CSMD3: variants seen among roughly 807,000 people sequenced by gnomAD.
The protein encoded by CSMD3 is CUB and sushi domain-containing protein 3.
Under a neutral mutation model 435.2 loss-of-function variants are expected in CSMD3, and 177 were observed. The observed-to-expected ratio is 0.41, with a 90% CI of 0.36 to 0.46. The LOEUF is 0.46. CSMD3 is among the 20% of genes least tolerant of loss of function. The probability of loss-of-function intolerance (pLI) is 0.34; values close to 1 mark genes in which losing one functional copy is unlikely to be tolerated. For synonymous variants in CSMD3, 1,656 were observed against 1,520.5 expected, an observed-to-expected ratio of 1.09 and a Z score of -2.07; for missense variants, 4,265 against 4,504.6, an observed-to-expected ratio of 0.95 and a Z score of 1.52.
At chr8:113,354,862 C>G (rs1466180875) in intron 1 of CSMD3, among the ~76,000 whole-genome samples, 1 of 151,946 alleles carries the variant, frequency 6.6e-6, no homozygotes, top group Non-Finnish European at 1.5e-5. Context: ...TGGTTTTGAA[C>G]TCCTGGGCCC....
At chr8:112,898,490 C>A (rs147034369) in intron 10 of CSMD3, among the ~76,000 whole-genome samples, 2 of 150,860 alleles carry the variant, frequency 1.3e-5, no homozygotes, top group Admixed American at 1.3e-4. Context: ...AGTAAATGGA[C>A]GCTATATTTA....
intron 1 of CSMD3, among the ~76,000 whole-genome samples, chr8:113,378,089 A>T (rs950829359): frequency 1.3e-5 from 2 of 152,160 alleles, no homozygotes; most frequent in African/African-American, 4.8e-5. Flanking sequence ...TATGAGATTA[A>T]TAATAATAAT....
At position 112,306,165 on chromosome 8, in the gene CSMD3, G is replaced by A. The variant is rs2130788306; in HGVS notation, c.7913C>T (p.Pro2638Leu). The change falls in exon 51 of 71, where the codon CCA (proline) becomes CTA (leucine). Residue 2638 changes from proline to leucine, a missense_variant. Coordinates refer to ENST00000297405, the MANE Select transcript of CSMD3 (RefSeq NM_198123.2). Reference sequence around the variant, plus strand: ...TGTTGTTAGTATTCCTCCATTTGTTGGAGCTTTAGGAATCCCACAGGAAAT... The same window carrying A: ...TGTTGTTAGTATTCCTCCATTTGTTAGAGCTTTAGGAATCCCACAGGAAAT... ...QAISCGIPKA[P>L]TNGGILTTDY... The A allele has an allele frequency of 6.2e-7, 1 of 1,613,326 alleles. No individual in the cohort carries two copies.
intron 5 of CSMD3, among the ~76,000 whole-genome samples, chr8:113,022,862 CTT>C (rs1402035483): frequency 4.0e-5 from 6 of 151,574 alleles, no homozygotes; most frequent in Admixed American, 1.3e-4. Flanking sequence ...TACAGAGTAA[CTT>C]ATAATTAATC....
Position 112,224,679 on chromosome 8 carries a change from A to G in CSMD3, c.*92T>C, listed in dbSNP as rs1812409466. 1 of 1,327,172 alleles carries G rather than the reference A, an allele frequency of 7.5e-7. No individual in the cohort carries two copies. The highest frequency in any genetic ancestry group is 1.4e-5 in the African/African-American group (1 of 69,278). 82.2% of individuals were successfully genotyped at this position (1,327,172 alleles called of 1,614,324 possible). A position where few individuals can be genotyped will look rare whatever the true frequency, so the allele number is the denominator to read the frequency against. On this transcript the variant is annotated 3_prime_UTR_variant, in exon 71 of 71. Coordinates refer to ENST00000297405, the MANE Select transcript of CSMD3 (RefSeq NM_198123.2). Reference sequence around the variant, plus strand: ...GAAAAGGTGACCCAGCAAGTCCTGAAAAGTGTGCTTTAATTTGTTTAGCAG... The same window carrying G: ...GAAAAGGTGACCCAGCAAGTCCTGAGAAGTGTGCTTTAATTTGTTTAGCAG...
chr8:112,630,942 TCACACACACA>T lies in CSMD3; in HGVS notation c.3715+5865_3715+5874del, dbSNP rs5894090. 6.3e-3 allele frequency among the ~76,000 whole-genome samples: 889 copies of T among 140,582 alleles called. 10 individuals are homozygous for T. The highest frequency in any genetic ancestry group is 0.042 in the South Asian group (171 of 4,048). The allele number at this position is 140,582 out of a possible 152,430, so 92.2% of individuals were successfully genotyped here. On this transcript the variant is annotated intron_variant, in intron 22 of 70. Coordinates refer to ENST00000297405, the MANE Select transcript of CSMD3 (RefSeq NM_198123.2). Reference sequence around the variant, plus strand: ...TGTTACCAACAAACTACATCAGTATTCACACACACACACACACACACACACACACACACAC... The same window carrying T: ...TGTTACCAACAAACTACATCAGTATTCACACACACACACACACACACACAC...
At chr8:112,936,807 T>C (rs1482098648) in intron 9 of CSMD3, among the ~76,000 whole-genome samples, 3 of 152,176 alleles carry the variant, frequency 2.0e-5, no homozygotes, top group Admixed American at 2.0e-4. Flanking sequence ...AATTGGCTTA[T>C]CTATAAATAT....
chr8:113,375,919 T>C (rs1039165590), intron 1 of CSMD3, among the ~76,000 whole-genome samples: 1 of 152,200 alleles, frequency 6.6e-6, no homozygotes, highest in East Asian at 1.9e-4. Context: ...TTGTGTATGA[T>C]ATTTTAATTT....
chr8:113,323,006 C>A (rs1408697482), intron 1 of CSMD3, among the ~76,000 whole-genome samples: 1 of 152,176 alleles, frequency 6.6e-6, no homozygotes, highest in African/African-American at 2.4e-5. Context: ...CCTCAGCCTC[C>A]CAAAGTGCTT....
intron 4 of CSMD3, among the ~76,000 whole-genome samples, chr8:113,146,987 C>T (rs1457483419): frequency 1.3e-5 from 2 of 151,620 alleles, no homozygotes; most frequent in Non-Finnish European, 3.0e-5. Flanking sequence ...GTGATATGCA[C>T]AACTGAGCAC....
intron 5 of CSMD3, among the ~76,000 whole-genome samples, chr8:113,078,784 G>C (rs1349920541): frequency 6.6e-6 from 1 of 152,092 alleles, no homozygotes; most frequent in Non-Finnish European, 1.5e-5. Flanking sequence ...CAGAGTAATA[G>C]CTGCACAGAG....
At chr8:112,288,092 G>T (rs1488037883) in intron 57 of CSMD3, among the ~76,000 whole-genome samples, 2 of 151,834 alleles carry the variant, frequency 1.3e-5, no homozygotes, top group African/African-American at 4.8e-5. Context: ...CTTTCCATTT[G>T]TCCTTTTTAT....
At chr8:112,770,018 A>G (rs575640925) in intron 13 of CSMD3, among the ~76,000 whole-genome samples, 2 of 152,174 alleles carry the variant, frequency 1.3e-5, no homozygotes, top group African/African-American at 4.8e-5. Context: ...AGACAGTTTT[A>G]TTAATAATAA....
intron 1 of CSMD3, among the ~76,000 whole-genome samples, chr8:113,356,516 T>A (rs2094229296): frequency 6.6e-6 from 1 of 152,130 alleles, no homozygotes. Flanking sequence ...ATTTTCACAC[T>A]CCTTTTCCAA....
chr8:113,041,653 T>A (rs868556864), intron 5 of CSMD3, among the ~76,000 whole-genome samples: 32 of 152,156 alleles, frequency 2.1e-4, no homozygotes, highest in Non-Finnish European at 3.8e-4. Context: ...ATATTAAACT[T>A]TTTTATTTTT....
chr8:112,963,565 T>C (rs777845515), intron 7 of CSMD3, among the ~76,000 whole-genome samples: 4 of 151,946 alleles, frequency 2.6e-5, no homozygotes, highest in Non-Finnish European at 5.9e-5. Context: ...ACTCATTTCT[T>C]AGAAAATGTT....
At chr8:112,230,132 G>A (rs912536245) in intron 69 of CSMD3, among the ~76,000 whole-genome samples, 1 of 152,228 alleles carries the variant, frequency 6.6e-6, no homozygotes, top group African/African-American at 2.4e-5. Context: ...GAGGGAAAAA[G>A]AAATACCAGT....
chr8:112,600,437 T>C (rs1445012411), intron 22 of CSMD3, among the ~76,000 whole-genome samples: 4 of 152,326 alleles, frequency 2.6e-5, no homozygotes, highest in African/African-American at 9.6e-5. Context: ...GACTACCTCA[T>C]TTAACGCAAC....
chr8:112,859,081 ATTTC>A (rs761151491), intron 11 of CSMD3, 60 bp downstream of exon 11: 64 of 1,488,870 alleles, frequency 4.3e-5, no homozygotes, highest in Non-Finnish European at 5.5e-5. Context: ...GTTCCGTATT[ATTTC>A]TTTGCCTTTG....
Sources: gnomAD v4.1 joint callset for allele counts (sites outside exome capture counted in the v4.1 genomes callset) on GRCh38, gnomAD v4.1.1 for gene constraint, MANE v1.5 for transcripts, NCBI Gene and HGNC (gene_info 2026-07-23, HGNC 2026-07-21) for gene names.